KCNMA1: variants seen among roughly 807,000 people sequenced by gnomAD.
KCNMA1 encodes the protein potassium calcium-activated channel subfamily M alpha 1.
Under a neutral mutation model 140.0 loss-of-function variants are expected in KCNMA1, and 29 were observed. That is an observed-to-expected ratio of 0.21 (90% CI 0.15 to 0.28). KCNMA1 has a LOEUF of 0.28. Ranked by LOEUF, KCNMA1 falls within the 10% of genes least tolerant of loss-of-function variation. The probability of loss-of-function intolerance (pLI) is 1.00; values close to 1 mark genes in which losing one functional copy is unlikely to be tolerated. For synonymous variants in KCNMA1, 612 were observed against 611.9 expected, an observed-to-expected ratio of 1.00 and a Z score of 0.00; for missense variants, 880 against 1,602.2, an observed-to-expected ratio of 0.55 and a Z score of 7.70.
At chr10:77,019,348 G>T in intron 16 of KCNMA1, 1 of 510,614 alleles carries the variant, frequency 2.0e-6, no homozygotes, top group East Asian at 3.5e-5. Flanking sequence ...GCAAATCAAG[G>T]TATTAGGGCC....
chr10:76,912,861 C>T (rs529596877), intron 24 of KCNMA1: 2 of 152,270 alleles, frequency 1.3e-5, no homozygotes, highest in African/African-American at 4.8e-5. Context: ...CTCTTATTGC[C>T]CTCCAGTTCT....
At position 76,885,762 on chromosome 10, in the gene KCNMA1, G is replaced by A; in HGVS notation, c.*1504C>T. ...GCACTGCCTAAAGCATGATTTGCATGCACAAAGCATCTGACAACTATATGT... is the reference window on the plus strand; with the variant it reads ...GCACTGCCTAAAGCATGATTTGCATACACAAAGCATCTGACAACTATATGT... On this transcript the variant is annotated 3_prime_UTR_variant, in exon 28 of 28. Coordinates refer to ENST00000286628, the MANE Select transcript of KCNMA1 (RefSeq NM_001161352.2). The A allele has an allele frequency of 2.0e-6, 2 of 985,100 alleles. No homozygotes were observed. The highest frequency in any genetic ancestry group is 2.4e-6 in the Non-Finnish European group (2 of 829,696). The allele number at this position is 985,100 out of a possible 1,614,324, so 61.0% of individuals were successfully genotyped here.
At chr10:77,296,002 G>A (rs1468066813) in intron 2 of KCNMA1, among the ~76,000 whole-genome samples, 12 of 151,960 alleles carry the variant, frequency 7.9e-5, no homozygotes, top group South Asian at 6.2e-4. Flanking sequence ...TAAATAAACC[G>A]AGAAATCACT....
At chr10:77,439,688 C>T (rs1188870638) in intron 1 of KCNMA1, among the ~76,000 whole-genome samples, 1 of 152,182 alleles carries the variant, frequency 6.6e-6, no homozygotes, top group Non-Finnish European at 1.5e-5. Flanking sequence ...GGCAGCGGTA[C>T]CTATCTTCGG....
downstream of KCNMA1, chr10:76,875,668 A>G (rs1254286668): frequency 1.3e-5 from 2 of 152,184 alleles, no homozygotes; most frequent in African/African-American, 4.8e-5. Context: ...AGGAGTGAAG[A>G]GCCCACTATG....
At chr10:77,520,171 GAGGGC>G (rs1436947465) in intron 1 of KCNMA1, among the ~76,000 whole-genome samples, 4 of 37,224 alleles carry the variant, frequency 1.1e-4, no homozygotes, top group Admixed American at 3.2e-4. Context: ...TATGCAGTGT[GAGGGC>G]TGGGGTATGC....
chr10:77,601,460 G>A (rs1367378570), intron 1 of KCNMA1, among the ~76,000 whole-genome samples: 6 of 152,136 alleles, frequency 3.9e-5, no homozygotes, highest in South Asian at 2.1e-4. Flanking sequence ...ATAAGATTCC[G>A]CCAATCAAGC....
At chr10:76,987,572 T>C (rs1049179445) in intron 19 of KCNMA1, among the ~76,000 whole-genome samples, 4 of 152,210 alleles carry the variant, frequency 2.6e-5, no homozygotes, top group African/African-American at 4.8e-5. Flanking sequence ...GAAACTTTAC[T>C]TACTACAATG....
intron 1 of KCNMA1, among the ~76,000 whole-genome samples, chr10:77,627,355 G>A (rs371773131): frequency 1.3e-5 from 2 of 152,176 alleles, no homozygotes; most frequent in Non-Finnish European, 2.9e-5. Flanking sequence ...TACAAGGCAC[G>A]TGACATTGAT....
intron 19 of KCNMA1, among the ~76,000 whole-genome samples, chr10:77,000,677 T>A (rs967940241): frequency 1.3e-5 from 2 of 151,694 alleles, no homozygotes; most frequent in African/African-American, 4.8e-5. Context: ...GCTATACTAT[T>A]GGAAAAATAA....
At position 76,934,550 on chromosome 10, in the gene KCNMA1, C is replaced by T. The variant is rs145377384; in HGVS notation, c.2902+10223G>A. On this transcript the variant is annotated intron_variant, in intron 23 of 27. Coordinates refer to ENST00000286628, the MANE Select transcript of KCNMA1 (RefSeq NM_001161352.2). Reference sequence around the variant, plus strand: ...TATCCTTAAGTATGTGTGTCAAAGTCATTCCATACAACTTATTTTATGTTT... The same window carrying T: ...TATCCTTAAGTATGTGTGTCAAAGTTATTCCATACAACTTATTTTATGTTT... Among the ~76,000 whole-genome samples, 628 of 152,280 alleles carry T rather than the reference C, an allele frequency of 4.1e-3. 1 individual carries two copies. The highest frequency in any genetic ancestry group is 6.4e-3 in the Admixed American group (98 of 15,296).
chr10:77,634,330 TC>T (rs2093517015), intron 1 of KCNMA1: 2 of 985,338 alleles, frequency 2.0e-6, no homozygotes, highest in Non-Finnish European at 2.4e-6. Flanking sequence ...TGTAATGTTT[TC>T]TTCTTCACTT....
At chr10:77,012,437 T>A (rs1458989789) in intron 17 of KCNMA1, 18 of 1,549,002 alleles carry the variant, frequency 1.2e-5, no homozygotes, top group Non-Finnish European at 1.6e-5. Context: ...TCCCACAGTC[T>A]GGTCAAATAT....
intron 2 of KCNMA1, among the ~76,000 whole-genome samples, chr10:77,306,668 A>C (rs2077829587): frequency 6.6e-6 from 1 of 152,224 alleles, no homozygotes; most frequent in Admixed American, 6.5e-5. Context: ...CGCAGTTAGA[A>C]GAATGGATTT....
intron 1 of KCNMA1, among the ~76,000 whole-genome samples, chr10:77,467,654 C>T (rs1340390792): frequency 6.6e-6 from 1 of 152,230 alleles, no homozygotes; most frequent in Non-Finnish European, 1.5e-5. Flanking sequence ...AGGTTAGTTC[C>T]CAAGTTTCCA....
At chr10:77,408,647 G>C (rs935788370) in intron 1 of KCNMA1, among the ~76,000 whole-genome samples, 2 of 152,170 alleles carry the variant, frequency 1.3e-5, no homozygotes, top group East Asian at 3.9e-4. Flanking sequence ...CTTCTGAAAT[G>C]CAAGAAAAGA....
Position 76,915,032 on chromosome 10 carries a change from T to C in KCNMA1, c.2920A>G (p.Met974Val), listed in dbSNP as rs1202502464. 6.2e-7 allele frequency: 1 copy of C among 1,612,304 alleles called. No individual in the cohort carries two copies. The highest frequency in any genetic ancestry group is 1.1e-5 in the South Asian group (1 of 91,050). ...CTGTTATCTGGAGAGGATCTATCCA[T>C]TCCTGGAGGTGTGAACCCTAGTGGG... is the stretch of plus-strand genomic sequence containing the variant. ...ANSQGFTPPGMDRSSPDNSPV... is the reference protein window; with the variant it reads ...ANSQGFTPPGVDRSSPDNSPV... Residue 974 changes from methionine to valine, a missense_variant, in exon 24 of 28, where the codon ATG (methionine) becomes GTG (valine). This residue lies in a region of KCNMA1 where 44 missense variants were observed against 58.2 expected (regional missense o/e 0.76). Coordinates refer to ENST00000286628, the MANE Select transcript of KCNMA1 (RefSeq NM_001161352.2).
At chr10:77,220,250 C>A (rs1306295984) in intron 3 of KCNMA1, among the ~76,000 whole-genome samples, 1 of 152,200 alleles carries the variant, frequency 6.6e-6, no homozygotes. Flanking sequence ...CAGCTTGACA[C>A]CAAAGCTGTG....
rs114342066 is a variant in KCNMA1 at position 76,981,023 on chromosome 10, T to G, written c.2267-10956A>C. Among the ~76,000 whole-genome samples, 1,438 of 152,324 alleles carry G rather than the reference T, an allele frequency of 9.4e-3. 24 individuals are homozygous for G. The highest frequency in any genetic ancestry group is 0.033 in the African/African-American group (1,385 of 41,574). Reference sequence around the variant, plus strand: ...AAAATGTGAAAAGCACTTAAAAGAATTCCTGGTGAGCTCTTTCTAAATGCT... The same window carrying G: ...AAAATGTGAAAAGCACTTAAAAGAAGTCCTGGTGAGCTCTTTCTAAATGCT... On this transcript the variant is annotated intron_variant, in intron 19 of 27. Transcript: ENST00000286628.
Sources: gnomAD v4.1 joint callset for allele counts (sites outside exome capture counted in the v4.1 genomes callset) on GRCh38, gnomAD v4.1.1 for gene constraint, gnomAD v4.1.1 regional missense constraint, MANE v1.5 for transcripts, NCBI Gene and HGNC (gene_info 2026-07-23, HGNC 2026-07-21) for gene names.